The following RASA2 variants were observed in gnomAD, a reference collection of about 807,000 sequenced individuals.
RASA2 encodes the protein ras GTPase-activating protein 2.
A neutral mutation model predicts 118.2 loss-of-function variants in RASA2; 155 were observed. The observed-to-expected ratio is 1.31, with a 90% CI of 1.15 to 1.50. The LOEUF (loss-of-function observed/expected upper bound fraction) is 1.50. RASA2 is among the 40% of genes most tolerant of loss of function. The pLI is 0.00. For synonymous variants in RASA2, 353 were observed against 349.1 expected, an observed-to-expected ratio of 1.01 and a Z score of -0.12; for missense variants, 1,016 against 1,009.6, an observed-to-expected ratio of 1.01 and a Z score of -0.09.
Position 141,529,732 on chromosome 3 carries a change from A to G in RASA2, c.380A>G (p.Asp127Gly). 6.2e-7 allele frequency: 1 copy of G among 1,611,652 alleles called. No individual in the cohort carries two copies. The highest frequency in any genetic ancestry group is 8.5e-7 in the Non-Finnish European group (1 of 1,178,382). ...RIGKVAIKKE[D>G]LCNHSGKETW... The stretch of plus-strand genomic sequence containing the variant: ...GGAAAAGTAGCCATCAAAAAAGAAG[A>G]CTTGTGTAATCACAGTGGCAAAGAA... The change falls in exon 4 of 24, where the codon GAC becomes GGC. Residue 127 changes from aspartate (D) to glycine (G), a missense_variant. Asp to Gly is a moderately conservative substitution (Grantham distance 94, BLOSUM62 -1). Coordinates refer to ENST00000286364, the MANE Select transcript of RASA2 (RefSeq NM_006506.5).
chr3:141,565,601 C>T (rs1225628684), intron 9 of RASA2, among the ~76,000 whole-genome samples: 1 of 152,224 alleles, frequency 6.6e-6, no homozygotes, highest in African/African-American at 2.4e-5. Flanking sequence ...AGTTCTCCTG[C>T]ACAAGCTCTC....
At chr3:141,603,044 G>A (rs767257490) in intron 19 of RASA2, among the ~76,000 whole-genome samples, 5 of 152,130 alleles carry the variant, frequency 3.3e-5, no homozygotes, top group Non-Finnish European at 5.9e-5. Flanking sequence ...CCCCCAGGTA[G>A]GAAGACCATA....
intron 5 of RASA2, among the ~76,000 whole-genome samples, chr3:141,542,665 T>C (rs899351846): frequency 3.3e-5 from 5 of 152,144 alleles, no homozygotes; most frequent in Admixed American, 1.3e-4. Context: ...GCATAATGTA[T>C]GTATATAGTT....
intron 11 of RASA2, among the ~76,000 whole-genome samples, chr3:141,572,063 C>T (rs6804207): frequency 0.014 from 1,333 of 97,590 alleles, 10 homozygotes; most frequent in African/African-American, 0.052. Flanking sequence ...TATATATATA[C>T]ACACACACAC....
intron 4 of RASA2, among the ~76,000 whole-genome samples, chr3:141,535,979 A>G (rs1275482950): frequency 1.3e-5 from 2 of 152,238 alleles, no homozygotes; most frequent in Admixed American, 6.5e-5. Context: ...TATCTTCTAT[A>G]TGGTACCAAG....
chr3:141,615,014 A>G lies in RASA2; in HGVS notation c.*2701A>G, dbSNP rs2083707357. 1 of 152,196 alleles carries G rather than the reference A, an allele frequency of 6.6e-6. No homozygotes were observed. The highest frequency in any genetic ancestry group is 1.5e-5 in the Non-Finnish European group (1 of 68,032). The allele number at this position is 152,196 out of a possible 1,614,324, so 9.4% of individuals were successfully genotyped here. A position where few individuals can be genotyped will look rare whatever the true frequency, so the allele number is the denominator to read the frequency against. On this transcript the variant is annotated 3_prime_UTR_variant, in exon 24 of 24. Transcript: ENST00000286364. ...TGCTCTAACGGTACATCCTGTAAAG[A>G]CAGAATTCTGCATAGCCTTTTAGGT...
chr3:141,583,766 A>T (rs188160353), intron 17 of RASA2, among the ~76,000 whole-genome samples: 1 of 152,316 alleles, frequency 6.6e-6, no homozygotes, highest in African/African-American at 2.4e-5. Context: ...GTGCCTACAA[A>T]TTCCACTTTA....
At chr3:141,563,306 T>C (rs1362720710) in intron 9 of RASA2, among the ~76,000 whole-genome samples, 3 of 152,170 alleles carry the variant, frequency 2.0e-5, no homozygotes, top group Non-Finnish European at 4.4e-5. Context: ...GAGTTTTTTG[T>C]TTTGTTTTCA....
At chr3:141,592,688 T>C (rs2083305097) in intron 19 of RASA2, among the ~76,000 whole-genome samples, 1 of 152,102 alleles carries the variant, frequency 6.6e-6, no homozygotes, top group Non-Finnish European at 1.5e-5. Flanking sequence ...ACATTCTGAA[T>C]CTATTTGAAA....
chr3:141,489,399 G>A (rs1476479836), intron 1 of RASA2, among the ~76,000 whole-genome samples: 1 of 152,160 alleles, frequency 6.6e-6, no homozygotes, highest in Non-Finnish European at 1.5e-5. Flanking sequence ...GGGGACTGAG[G>A]GGTTGGAAGA....
chr3:141,572,029 CATATATATATATATATATATATAT>C (rs10568210), intron 11 of RASA2, among the ~76,000 whole-genome samples: 2 of 121,462 alleles, frequency 1.6e-5, no homozygotes, highest in African/African-American at 3.0e-5. Context: ...TTTAAAAAAA[CATATATATATATATATATATATAT>C]ATATATATAC....
At chr3:141,515,779 A>G (rs929157587) in intron 2 of RASA2, among the ~76,000 whole-genome samples, 15 of 151,482 alleles carry the variant, frequency 9.9e-5, no homozygotes, top group Admixed American at 7.9e-4. Context: ...ATGTGCCTGT[A>G]GTCCCAGCTA....
chr3:141,572,476 G>T lies in RASA2; in HGVS notation c.1170-133G>T. The T allele has an allele frequency of 5.0e-6, 3 of 594,366 alleles. No individual in the cohort carries two copies. The South Asian group carries it at 5.8e-5, about 12-fold the overall frequency. The allele number at this position is 594,366 out of a possible 1,614,324, so 36.8% of individuals were successfully genotyped here. A position where few individuals can be genotyped will look rare whatever the true frequency, so the allele number is the denominator to read the frequency against. On this transcript the variant is annotated intron_variant, in intron 11 of 23. Coordinates refer to ENST00000286364, the MANE Select transcript of RASA2 (RefSeq NM_006506.5). Reference sequence around the variant, plus strand: ...AATGGTAAAAATTACTAAAATTGTAGGTCACTTATGCCTTCTAGTATGTCT... The same window carrying T: ...AATGGTAAAAATTACTAAAATTGTATGTCACTTATGCCTTCTAGTATGTCT...
chr3:141,606,661 T>G (rs1480871545), intron 19 of RASA2, among the ~76,000 whole-genome samples: 6 of 152,098 alleles, frequency 3.9e-5, no homozygotes, highest in Non-Finnish European at 5.9e-5. Flanking sequence ...TTACATAAAT[T>G]TTAGATTTTA....
At chr3:141,528,425 G>A (rs969930757) in intron 3 of RASA2, among the ~76,000 whole-genome samples, 2 of 151,834 alleles carry the variant, frequency 1.3e-5, no homozygotes, top group African/African-American at 4.8e-5. Context: ...TACGTTAGAG[G>A]GAGAGAAACA....
intron 7 of RASA2, among the ~76,000 whole-genome samples, chr3:141,556,814 T>G (rs1021812621): frequency 2.6e-5 from 4 of 152,040 alleles, no homozygotes; most frequent in Non-Finnish European, 5.9e-5. Flanking sequence ...CATGCCTGAT[T>G]GCTGTACTTT....
At chr3:141,533,734 T>C (rs2082290085) in intron 4 of RASA2, among the ~76,000 whole-genome samples, 1 of 152,182 alleles carries the variant, frequency 6.6e-6, no homozygotes. Flanking sequence ...GAGTGTATTT[T>C]TCTACTTTTT....
At chr3:141,573,042 C>A in intron 12 of RASA2, 105 bp from the exon 13 acceptor site, 1 of 1,013,060 alleles carries the variant, frequency 9.9e-7, no homozygotes, top group South Asian at 1.8e-5. Flanking sequence ...CGCTTTGCTA[C>A]AGTTTAAATT....
At chr3:141,503,270 GGTACATACTCACATAT>G (rs1426534216) in intron 1 of RASA2, among the ~76,000 whole-genome samples, 5 of 151,976 alleles carry the variant, frequency 3.3e-5, no homozygotes, top group South Asian at 2.1e-4. Context: ...TAGGCACATA[GGTACATACTCACATAT>G]GTACATACTC....
Sources: gnomAD v4.1 joint callset for allele counts (sites outside exome capture counted in the v4.1 genomes callset) on GRCh38, gnomAD v4.1.1 for gene constraint, MANE v1.5 for transcripts, NCBI Gene and HGNC (gene_info 2026-07-23, HGNC 2026-07-21) for gene names.